PDE5A: variants seen among roughly 807,000 people sequenced by gnomAD.
PDE5A encodes cGMP-specific 3',5'-cyclic phosphodiesterase.
In PDE5A, 67 loss-of-function variants were observed where a neutral mutation model predicts 110.2. The ratio of observed to expected loss-of-function variants is 0.61; its 90% confidence interval spans 0.50 to 0.75. The LOEUF (loss-of-function observed/expected upper bound fraction) is 0.75, where lower values mean the gene tolerates loss of function less well. Among genes scored for constraint, PDE5A ranks in the 30% least tolerant of loss-of-function variants. The pLI is 0.00. For synonymous variants in PDE5A, 328 were observed against 351.2 expected (o/e 0.93, Z 0.74); for missense variants, 862 against 1,045.1 (o/e 0.82, Z 2.42).
chr4:119,523,209 AG>A (rs1726192625), intron 12 of PDE5A, among the ~76,000 whole-genome samples: 1 of 152,052 alleles, frequency 6.6e-6, no homozygotes, highest in African/African-American at 2.4e-5. Flanking sequence ...TTATTCAGGG[AG>A]GAATGAGATG....
chr4:119,583,859 G>C (rs1347724213), intron 3 of PDE5A, among the ~76,000 whole-genome samples: 1 of 152,186 alleles, frequency 6.6e-6, no homozygotes, highest in Non-Finnish European at 1.5e-5. Flanking sequence ...TCAGAGAAAT[G>C]AGGTGGTAAA....
intron 14 of PDE5A, chr4:119,512,519 A>G (rs1725780796): frequency 6.6e-6 from 1 of 152,202 alleles, no homozygotes; most frequent in Non-Finnish European, 1.5e-5. Flanking sequence ...ACTTCTAGTA[A>G]TCTAAGTCAG....
chr4:119,582,579 T>A (rs1174256876), intron 3 of PDE5A, among the ~76,000 whole-genome samples: 1 of 152,208 alleles, frequency 6.6e-6, no homozygotes, highest in East Asian at 1.9e-4. Flanking sequence ...GTTTTCAATT[T>A]ACTCTTCCCA....
intron 3 of PDE5A, among the ~76,000 whole-genome samples, chr4:119,592,355 G>C (rs899430990): frequency 6.7e-6 from 1 of 149,816 alleles, no homozygotes; most frequent in Admixed American, 6.7e-5. Flanking sequence ...GTACTCAGGA[G>C]GCTGAGGCAG....
intron 2 of PDE5A, among the ~76,000 whole-genome samples, chr4:119,602,537 T>C (rs1729382243): frequency 6.6e-6 from 1 of 152,282 alleles, no homozygotes. Context: ...TGAACAAGCA[T>C]AGACACAGCA....
intron 14 of PDE5A, among the ~76,000 whole-genome samples, chr4:119,515,950 A>G (rs1237830067): frequency 1.3e-5 from 2 of 152,290 alleles, no homozygotes; most frequent in African/African-American, 4.8e-5. Context: ...GCACTGGTTA[A>G]TTTTATAACC....
chr4:119,606,415 GGAGAATATAACCAT>G (rs1047625514), intron 2 of PDE5A, among the ~76,000 whole-genome samples: 31 of 152,022 alleles, frequency 2.0e-4, no homozygotes, highest in Admixed American at 1.8e-3. Context: ...TAAAAAGATG[GGAGAATATAACCAT>G]GAGATGAGCT....
chr4:119,502,384 A>T (rs935703209), intron 19 of PDE5A, 197 bp downstream of exon 19: 6 of 443,508 alleles, frequency 1.4e-5, no homozygotes, highest in Non-Finnish European at 2.0e-5. Context: ...TGATGAACCC[A>T]AGAGTCTTTA....
At chr4:119,587,880 C>T (rs1017271337) in intron 3 of PDE5A, among the ~76,000 whole-genome samples, 4 of 152,146 alleles carry the variant, frequency 2.6e-5, no homozygotes, top group African/African-American at 7.2e-5. Context: ...TTTAAGAAAG[C>T]GGCAGTCAGT....
At chr4:119,535,548 A>G (rs1284101218) in intron 11 of PDE5A, among the ~76,000 whole-genome samples, 1 of 152,128 alleles carries the variant, frequency 6.6e-6, no homozygotes, top group Non-Finnish European at 1.5e-5. Flanking sequence ...TTAACTTTCT[A>G]ATAACCATAA....
At chr4:119,568,622 A>G (rs2110510621) in intron 3 of PDE5A, among the ~76,000 whole-genome samples, 1 of 152,270 alleles carries the variant, frequency 6.6e-6, no homozygotes, top group East Asian at 1.9e-4. Context: ...TACAGTGGCC[A>G]TGGATTGCTA....
At chr4:119,569,193 A>G (rs1728051985) in intron 3 of PDE5A, among the ~76,000 whole-genome samples, 1 of 152,008 alleles carries the variant, frequency 6.6e-6, no homozygotes, top group Non-Finnish European at 1.5e-5. Context: ...ATGTACTACC[A>G]TGCCTGGTTA....
chr4:119,501,961 T>C (rs1725354259), intron 19 of PDE5A, among the ~76,000 whole-genome samples: 1 of 152,008 alleles, frequency 6.6e-6, no homozygotes, highest in Non-Finnish European at 1.5e-5. Flanking sequence ...ACATCTATGA[T>C]AGATGAAACA....
chr4:119,621,901 T>G (rs1416109377), intron 1 of PDE5A, among the ~76,000 whole-genome samples: 2 of 152,220 alleles, frequency 1.3e-5, no homozygotes, highest in Non-Finnish European at 2.9e-5. Flanking sequence ...CCGGGCGCGG[T>G]GGCTCACGCC....
At chr4:119,621,399 T>C (rs542692734) in intron 1 of PDE5A, among the ~76,000 whole-genome samples, 1 of 152,312 alleles carries the variant, frequency 6.6e-6, no homozygotes, top group South Asian at 2.1e-4. Flanking sequence ...AAGACTGATA[T>C]GGATAAGAAG....
rs149226284 is a variant in PDE5A at position 119,577,064 on chromosome 4, C to T, written c.832-9920G>A. On this transcript the variant is annotated intron_variant, in intron 3 of 20. Coordinates refer to ENST00000354960, the MANE Select transcript of PDE5A (RefSeq NM_001083.4). ...TCAGAGACTACTATAAACACCTCTA[C>T]GCAAATAAACTAGAAAATCTAGAAG... 8.2e-3 allele frequency among the ~76,000 whole-genome samples: 1,252 copies of T among 152,186 alleles called. 11 individuals carry two copies. Among genetic ancestry groups the T allele is most frequent in the African/African-American group, 0.029 (1,183 of 41,508 alleles).
chr4:119,518,044 C>T (rs1486398453), intron 14 of PDE5A, among the ~76,000 whole-genome samples: 1 of 152,156 alleles, frequency 6.6e-6, no homozygotes, highest in Non-Finnish European at 1.5e-5. Flanking sequence ...TATCTTTTCC[C>T]ATCAAAGGTC....
intron 3 of PDE5A, among the ~76,000 whole-genome samples, chr4:119,594,927 C>T (rs1045094888): frequency 6.6e-6 from 1 of 152,160 alleles, no homozygotes; most frequent in Non-Finnish European, 1.5e-5. Context: ...ACAAAATCCC[C>T]AGGTGATTCC....
intron 12 of PDE5A, among the ~76,000 whole-genome samples, chr4:119,521,376 T>G (rs915248290): frequency 3.2e-4 from 48 of 151,740 alleles, no homozygotes; most frequent in African/African-American, 1.0e-3. Context: ...GGTAGGTTTT[T>G]TTTTTTTTTA....
Sources: allele counts gnomAD v4.1 joint callset (sites outside exome capture counted in the v4.1 genomes callset), GRCh38; gene constraint gnomAD v4.1.1; transcripts MANE v1.5; gene names NCBI Gene and HGNC (gene_info 2026-07-23, HGNC 2026-07-21).